SPOCK1: variants seen among roughly 807,000 people sequenced by gnomAD.
SPOCK1 encodes the protein SPARC (osteonectin), cwcv and kazal like domains proteoglycan 1.
A neutral mutation model predicts 55.3 loss-of-function variants in SPOCK1; 23 were observed. The observed-to-expected ratio is 0.42, with a 90% CI of 0.30 to 0.59. SPOCK1 has a LOEUF of 0.59. Ranked by LOEUF, SPOCK1 falls within the 20% of genes least tolerant of loss-of-function variation. SPOCK1 has a pLI of 0.22. For synonymous variants in SPOCK1, 226 were observed against 221.0 expected, an observed-to-expected ratio of 1.02 and a Z score of -0.20; for missense variants, 499 against 552.5, an observed-to-expected ratio of 0.90 and a Z score of 0.97.
intron 2 of SPOCK1, 108 bp from the exon 3 acceptor site, chr5:137,267,163 C>T: frequency 1.1e-6 from 1 of 887,554 alleles, no homozygotes; most frequent in Non-Finnish European, 1.8e-6. Context: ...AAGGAAAACA[C>T]TGAAAGCTTA....
chr5:137,111,956 C>T (rs1753484129), intron 5 of SPOCK1, among the ~76,000 whole-genome samples: 1 of 152,146 alleles, frequency 6.6e-6, no homozygotes, highest in Admixed American at 6.5e-5. Context: ...CAGAAAAGAA[C>T]AGTGCCTTAT....
At chr5:137,078,894 A>G (rs1752825293) in intron 5 of SPOCK1, among the ~76,000 whole-genome samples, 1 of 152,174 alleles carries the variant, frequency 6.6e-6, no homozygotes, top group Non-Finnish European at 1.5e-5. Flanking sequence ...GTATCCTGCT[A>G]TCCTCAGACA....
intron 3 of SPOCK1, among the ~76,000 whole-genome samples, chr5:137,178,178 A>G (rs1298578453): frequency 6.6e-6 from 1 of 152,162 alleles, no homozygotes. Context: ...CTGCCCTAAA[A>G]TTGGCCAATA....
intron 3 of SPOCK1, among the ~76,000 whole-genome samples, chr5:137,250,176 C>A (rs1165575029): frequency 6.6e-6 from 1 of 152,120 alleles, no homozygotes; most frequent in East Asian, 1.9e-4. Context: ...AAAATGCAGC[C>A]ACACCCACTC....
intron 6 of SPOCK1, among the ~76,000 whole-genome samples, chr5:137,063,011 G>A (rs1339317300): frequency 1.3e-5 from 2 of 150,336 alleles, no homozygotes; most frequent in Admixed American, 1.3e-4. Context: ...GAGGCGGGTG[G>A]ATCATGAGGT....
intron 6 of SPOCK1, among the ~76,000 whole-genome samples, chr5:137,018,824 G>A (rs775709044): frequency 3.3e-5 from 5 of 151,978 alleles, no homozygotes; most frequent in Non-Finnish European, 7.4e-5. Context: ...TATAAATGAT[G>A]TTACAAGACA....
intron 3 of SPOCK1, among the ~76,000 whole-genome samples, chr5:137,165,194 C>A (rs1754624257): frequency 2.0e-5 from 3 of 152,176 alleles, no homozygotes; most frequent in Non-Finnish European, 4.4e-5. Context: ...TGTCACTCCA[C>A]CCCCACCTCC....
At chr5:137,379,472 G>A (rs1417696442) in intron 2 of SPOCK1, among the ~76,000 whole-genome samples, 2 of 151,976 alleles carry the variant, frequency 1.3e-5, no homozygotes, top group Non-Finnish European at 2.9e-5. Flanking sequence ...TAACAAAAAA[G>A]GAAGGTTTAA....
chr5:137,176,734 G>T (rs1754860368), intron 3 of SPOCK1, among the ~76,000 whole-genome samples: 1 of 152,128 alleles, frequency 6.6e-6, no homozygotes, highest in African/African-American at 2.4e-5. Flanking sequence ...GCTGAAGGCT[G>T]GCATGGATAG....
intron 2 of SPOCK1, among the ~76,000 whole-genome samples, chr5:137,267,578 C>T (rs1432720999): frequency 6.6e-6 from 1 of 152,206 alleles, no homozygotes; most frequent in Non-Finnish European, 1.5e-5. Context: ...TAGCTTAATA[C>T]CATTTGTTCT....
At chr5:137,070,998 T>C (rs752675055) in intron 5 of SPOCK1, among the ~76,000 whole-genome samples, 1 of 150,216 alleles carries the variant, frequency 6.7e-6, no homozygotes. Flanking sequence ...ATTTCATATA[T>C]GTAGCTCAAA....
chr5:137,394,853 T>C (rs941945853), intron 2 of SPOCK1, among the ~76,000 whole-genome samples: 2 of 152,232 alleles, frequency 1.3e-5, no homozygotes, highest in Admixed American at 6.5e-5. Context: ...CCAAGACCCA[T>C]GGATGGACTT....
At chr5:137,408,251 G>T (rs1216546894) in intron 2 of SPOCK1, among the ~76,000 whole-genome samples, 2 of 152,308 alleles carry the variant, frequency 1.3e-5, no homozygotes, top group East Asian at 3.9e-4. Context: ...TATTATAGAA[G>T]ACAGAAGAGG....
intron 2 of SPOCK1, among the ~76,000 whole-genome samples, chr5:137,335,078 G>A (rs565419775): frequency 6.6e-6 from 1 of 152,322 alleles, no homozygotes; most frequent in African/African-American, 2.4e-5. Context: ...GAGATCTCAG[G>A]AAATTTGGGA....
intron 6 of SPOCK1, among the ~76,000 whole-genome samples, chr5:137,010,783 G>A (rs946375567): frequency 6.6e-6 from 1 of 152,130 alleles, no homozygotes; most frequent in Non-Finnish European, 1.5e-5. Flanking sequence ...GGAATTACCA[G>A]GTACCTACCA....
At chr5:137,287,623 A>G (rs1757294212) in intron 2 of SPOCK1, among the ~76,000 whole-genome samples, 1 of 152,210 alleles carries the variant, frequency 6.6e-6, no homozygotes, top group South Asian at 2.1e-4. Context: ...AGATGCCTCT[A>G]ACAGTTTCTG....
chr5:137,176,152 A>G (rs1209513302), intron 3 of SPOCK1, among the ~76,000 whole-genome samples: 2 of 152,180 alleles, frequency 1.3e-5, no homozygotes, highest in African/African-American at 4.8e-5. Flanking sequence ...TTGCTTACAA[A>G]AGCTCCTAAG....
At chr5:137,490,069 T>G (rs149683397) in intron 2 of SPOCK1, among the ~76,000 whole-genome samples, 6 of 152,370 alleles carry the variant, frequency 3.9e-5, no homozygotes, top group African/African-American at 1.4e-4. Flanking sequence ...AATGTGTCTA[T>G]CTTCTTCACC....
intron 6 of SPOCK1, among the ~76,000 whole-genome samples, chr5:137,050,477 C>T (rs1254713478): frequency 6.6e-6 from 1 of 151,012 alleles, no homozygotes; most frequent in Middle Eastern, 3.4e-3. Flanking sequence ...CCAGGTGAGG[C>T]AATGCCTCGC....
Sources: allele counts gnomAD v4.1 joint callset (sites outside exome capture counted in the v4.1 genomes callset), GRCh38; gene constraint gnomAD v4.1.1; transcripts MANE v1.5; gene names NCBI Gene and HGNC (gene_info 2026-07-23, HGNC 2026-07-21).